PDE4D: variants seen among roughly 807,000 people sequenced by gnomAD.
The protein encoded by PDE4D is 3',5'-cyclic-AMP phosphodiesterase 4D.
PDE4D carries 24 observed loss-of-function variants against 87.4 expected under a neutral mutation model. The ratio of observed to expected loss-of-function variants is 0.27; its 90% CI spans 0.20 to 0.39. PDE4D has a LOEUF of 0.39. Among genes scored for constraint, PDE4D ranks in the 10% least tolerant of loss-of-function variants. PDE4D has a pLI of 1.00. For synonymous variants in PDE4D, 384 were observed against 383.2 expected (o/e 1.00, Z -0.02); for missense variants, 714 against 1,041.0 (o/e 0.69, Z 4.32).
intron 1 of PDE4D, among the ~76,000 whole-genome samples, chr5:59,274,773 T>C (rs17528578): frequency 0.24 from 36,999 of 151,842 alleles, 4,807 homozygotes; most frequent in Admixed American, 0.36. Flanking sequence ...AGTAAAAGCA[T>C]TAAAATAACC....
intron 3 of PDE4D, among the ~76,000 whole-genome samples, chr5:59,940,087 C>T (rs1477189870): frequency 6.6e-6 from 1 of 152,120 alleles, no homozygotes; most frequent in East Asian, 1.9e-4. Context: ...AGAGAAGTCC[C>T]TCTGGTGGCA....
At chr5:60,203,507 G>T (rs966667907) in intron 1 of PDE4D, among the ~76,000 whole-genome samples, 1 of 152,138 alleles carries the variant, frequency 6.6e-6, no homozygotes, top group Non-Finnish European at 1.5e-5. Context: ...CTCAAAATTT[G>T]ATACTATTTA....
chr5:60,366,431 G>A (rs1191804355), intron 1 of PDE4D, among the ~76,000 whole-genome samples: 1 of 152,098 alleles, frequency 6.6e-6, no homozygotes, highest in Non-Finnish European at 1.5e-5. Flanking sequence ...AAGGCACTTG[G>A]GGTGAAGTTC....
At chr5:59,515,572 T>C (rs1349057502) in intron 1 of PDE4D, among the ~76,000 whole-genome samples, 1 of 152,178 alleles carries the variant, frequency 6.6e-6, no homozygotes, top group Non-Finnish European at 1.5e-5. Context: ...GAAACATCAT[T>C]AAAAGTACAT....
chr5:60,245,685 A>C (rs927597086), intron 1 of PDE4D, among the ~76,000 whole-genome samples: 3 of 152,016 alleles, frequency 2.0e-5, no homozygotes, highest in African/African-American at 4.8e-5. Flanking sequence ...CAGAAAGACA[A>C]ACTTTGCATG....
intron 1 of PDE4D, among the ~76,000 whole-genome samples, chr5:60,318,819 C>G (rs889609518): frequency 6.6e-6 from 1 of 152,126 alleles, no homozygotes; most frequent in Non-Finnish European, 1.5e-5. Context: ...GGCCCCCACT[C>G]TCTTCTGGCT....
At chr5:59,812,980 A>G (rs1001725259) in intron 1 of PDE4D, among the ~76,000 whole-genome samples, 9 of 152,238 alleles carry the variant, frequency 5.9e-5, no homozygotes, top group Admixed American at 2.6e-4. Flanking sequence ...ACATAATAAT[A>G]TTCCTAAATT....
At chr5:60,314,696 C>A (rs1755386248) in intron 1 of PDE4D, among the ~76,000 whole-genome samples, 1 of 150,534 alleles carries the variant, frequency 6.6e-6, no homozygotes, top group African/African-American at 2.4e-5. Context: ...TCCATGTGTT[C>A]TCATTGTTCA....
intron 2 of PDE4D, among the ~76,000 whole-genome samples, chr5:60,054,637 A>G (rs1770580967): frequency 6.6e-6 from 1 of 152,058 alleles, no homozygotes; most frequent in African/African-American, 2.4e-5. Flanking sequence ...TATGTAGCAA[A>G]CCTGCACATT....
chr5:60,148,821 T>C (rs1781242168), intron 2 of PDE4D, among the ~76,000 whole-genome samples: 1 of 152,186 alleles, frequency 6.6e-6, no homozygotes, highest in Non-Finnish European at 1.5e-5. Flanking sequence ...CAAAGAGTTT[T>C]GAATAGAACA....
chr5:59,561,191 A>C (rs1186426577), intron 1 of PDE4D, among the ~76,000 whole-genome samples: 1 of 152,266 alleles, frequency 6.6e-6, no homozygotes, highest in African/African-American at 2.4e-5. Flanking sequence ...GTGAAGGTAG[A>C]CACCTGTGGT....
intron 1 of PDE4D, among the ~76,000 whole-genome samples, chr5:59,368,120 G>A (rs766609971): frequency 6.6e-6 from 1 of 152,214 alleles, no homozygotes; most frequent in Non-Finnish European, 1.5e-5. Flanking sequence ...ATGGGTATGA[G>A]TAACACACAG....
chr5:60,328,923 T>C (rs1325397327), intron 1 of PDE4D, among the ~76,000 whole-genome samples: 3 of 152,162 alleles, frequency 2.0e-5, no homozygotes, highest in Non-Finnish European at 2.9e-5. Context: ...CATTCTTTGA[T>C]GGGGAGTCAC....
intron 1 of PDE4D, among the ~76,000 whole-genome samples, chr5:60,416,846 TC>T (rs1282192068): frequency 6.6e-6 from 1 of 152,208 alleles, no homozygotes; most frequent in Admixed American, 6.5e-5. Context: ...ACATGCTGTG[TC>T]CCACTTTACC....
intron 1 of PDE4D, among the ~76,000 whole-genome samples, chr5:59,415,034 T>G (rs1466735002): frequency 1.3e-5 from 2 of 152,206 alleles, no homozygotes; most frequent in Non-Finnish European, 2.9e-5. Context: ...TGTGGAGTGA[T>G]GGCTAGAGTC....
intron 2 of PDE4D, among the ~76,000 whole-genome samples, chr5:59,203,257 T>A (rs1389346779): frequency 4.0e-5 from 6 of 151,854 alleles, no homozygotes; most frequent in African/African-American, 1.5e-4. Context: ...ATCACTAATC[T>A]TAAGTGAAAT....
chr5:59,229,588 T>G (rs1458321643), intron 1 of PDE4D, among the ~76,000 whole-genome samples: 2 of 152,142 alleles, frequency 1.3e-5, no homozygotes, highest in African/African-American at 4.8e-5. Context: ...AAATCTTAGT[T>G]TTTTGAATTT....
chr5:59,150,711 A>G (rs1779354314), intron 5 of PDE4D, among the ~76,000 whole-genome samples: 2 of 152,186 alleles, frequency 1.3e-5, no homozygotes, highest in East Asian at 3.9e-4. Flanking sequence ...AGCAGCCAAT[A>G]ATCTATAATA....
intron 1 of PDE4D, among the ~76,000 whole-genome samples, chr5:59,359,670 C>T (rs1264937098): frequency 6.6e-6 from 1 of 152,104 alleles, no homozygotes; most frequent in African/African-American, 2.4e-5. Flanking sequence ...ATACAACAAG[C>T]TGTTTATAAT....
Sources: allele counts gnomAD v4.1 joint callset (sites outside exome capture counted in the v4.1 genomes callset), GRCh38; gene constraint gnomAD v4.1.1; transcripts MANE v1.5; gene names NCBI Gene and HGNC (gene_info 2026-07-23, HGNC 2026-07-21).